The following ACAD10 variants were observed in gnomAD, a reference collection of about 807,000 sequenced individuals.
ACAD10 encodes ACAD-10.
In ACAD10, 112 loss-of-function variants were observed where a neutral mutation model predicts 116.8. That is an observed-to-expected ratio of 0.96 (90% CI 0.82 to 1.12). The LOEUF is 1.12. Among genes scored for constraint, ACAD10 ranks in the 50% most tolerant of loss-of-function variants. ACAD10 has a pLI of 0.00. For missense variants in ACAD10, 1,259 were observed against 1,350.2 expected (o/e 0.93, Z 1.06); for synonymous variants, 486 against 510.6 (o/e 0.95, Z 0.65).
chr12:111,728,684 A>AC, intron 9 of ACAD10, among the ~76,000 whole-genome samples: 1 of 151,746 alleles, frequency 6.6e-6, no homozygotes, highest in African/African-American at 2.4e-5. Context: ...CAACAGGGAT[A>AC]GTTTTTTTGT....
chr12:111,709,148 T>A (rs1208380753), intron 4 of ACAD10, among the ~76,000 whole-genome samples: 1 of 152,176 alleles, frequency 6.6e-6, no homozygotes, highest in African/African-American at 2.4e-5. Context: ...AAATGCTTTG[T>A]CATTTTGGAA....
intron 4 of ACAD10, 73 bp downstream of exon 4, chr12:111,706,005 A>G (rs941174208): frequency 1.9e-5 from 28 of 1,510,810 alleles, no homozygotes; most frequent in African/African-American, 1.4e-4. Flanking sequence ...GTTAAATGCT[A>G]TCTTCCAGCA....
Position 111,728,099 on chromosome 12 carries a change from G to A in ACAD10, c.1199G>A (p.Ser400Asn). Residue 400 changes from serine (S) to asparagine (N), a missense_variant, in exon 9 of 21, where the codon AGT (serine) becomes AAT (asparagine). Transcript: ENST00000313698. ...AACACAGTCCTGTGCAAAATTCACA[G>A]TGTGGATCTGCAGGCTGTGGGACTT... Reference protein sequence around the residue: ...AMNTVLCKIHSVDLQAVGLED... With the variant: ...AMNTVLCKIHNVDLQAVGLED... 1 of 1,613,514 alleles carries A rather than the reference G, an allele frequency of 6.2e-7. No individual in the cohort carries two copies. The highest frequency in any genetic ancestry group is 8.5e-7 in the Non-Finnish European group (1 of 1,179,806).
In ACAD10 at chr12:111,729,916, C is replaced by T. The variant is rs771935027; in HGVS notation, c.1354C>T (p.Pro452Ser). 6.2e-7 allele frequency: 1 copy of T among 1,614,156 alleles called. No individual in the cohort carries two copies. The stretch of plus-strand genomic sequence containing the variant: ...GATCGAATGGCTGCCCCTCCATCTT[C>T]CCCGTCAGCAGAGGACCACAGTGGT... ...RLIEWLPLHL[P>S]RQQRTTVVHG... The change falls in exon 10 of 21, where the codon CCC (proline) becomes TCC (serine). Residue 452 changes from proline (P) to serine (S), a missense_variant. Transcript: ENST00000313698.
intron 2 of ACAD10, among the ~76,000 whole-genome samples, chr12:111,696,185 A>G (rs1888186688): frequency 6.6e-6 from 1 of 151,870 alleles, no homozygotes; most frequent in Non-Finnish European, 1.5e-5. Context: ...CAGGCTCCCA[A>G]GTAGCTGGGA....
At chr12:111,692,675 C>T in intron 1 of ACAD10, 22 bp from the exon 2 acceptor site, 1 of 1,601,098 alleles carries the variant, frequency 6.2e-7, no homozygotes, top group Non-Finnish European at 8.5e-7. Context: ...CAAGTAACGC[C>T]CTGTGCCTTC....
chr12:111,706,533 T>C (rs1888509269), intron 4 of ACAD10, among the ~76,000 whole-genome samples: 1 of 152,094 alleles, frequency 6.6e-6, no homozygotes. Flanking sequence ...CACTGCAACC[T>C]CTGCTTCCCA....
chr12:111,735,083 G>C (rs1889508368), intron 11 of ACAD10, among the ~76,000 whole-genome samples: 2 of 151,766 alleles, frequency 1.3e-5, no homozygotes, highest in Non-Finnish European at 2.9e-5. Flanking sequence ...AATTAGCTGG[G>C]CGTGGTGGTG....
At chr12:111,724,032 G>A (rs538021611) in intron 8 of ACAD10, among the ~76,000 whole-genome samples, 9 of 150,574 alleles carry the variant, frequency 6.0e-5, no homozygotes, top group Admixed American at 4.0e-4. Flanking sequence ...ATGTGATGGC[G>A]GCCGGGAAGA....
intron 2 of ACAD10, among the ~76,000 whole-genome samples, chr12:111,698,187 G>T (rs1314603542): frequency 6.6e-6 from 1 of 151,336 alleles, no homozygotes; most frequent in Non-Finnish European, 1.5e-5. Context: ...TAGTAGAGAT[G>T]GGGTTTCACC....
chr12:111,718,134 C>T (rs559545099), intron 7 of ACAD10, among the ~76,000 whole-genome samples: 13 of 139,690 alleles, frequency 9.3e-5, no homozygotes, highest in African/African-American at 2.9e-4. Flanking sequence ...ATTGCCACCT[C>T]CATCTCCCAG....
intron 4 of ACAD10, among the ~76,000 whole-genome samples, chr12:111,708,032 T>C (rs1280825827): frequency 6.6e-6 from 1 of 152,196 alleles, no homozygotes; most frequent in Non-Finnish European, 1.5e-5. Flanking sequence ...ACAGCCTCTG[T>C]CATGCTTACC....
chr12:111,700,884 G>A (rs935482613), intron 2 of ACAD10, among the ~76,000 whole-genome samples: 7 of 150,638 alleles, frequency 4.6e-5, no homozygotes, highest in African/African-American at 7.3e-5. Flanking sequence ...TCAGTTTCCC[G>A]AGTAGCTAGA....
At chr12:111,721,565 C>G (rs1889013625) in intron 7 of ACAD10, 106 bp from the exon 8 acceptor site, 4 of 1,115,396 alleles carry the variant, frequency 3.6e-6, no homozygotes, top group African/African-American at 1.6e-5. Context: ...GAGACTGTGT[C>G]TCAAAAAACA....
Position 111,705,809 on chromosome 12 carries a change from A to G in ACAD10, c.408A>G (p.Pro136=), listed in dbSNP as rs552625581. 1 of 1,614,212 alleles carries G rather than the reference A, an allele frequency of 6.2e-7. No individual in the cohort carries two copies. The highest frequency in any genetic ancestry group is 2.2e-5 in the East Asian group (1 of 44,878). The part of the protein sequence containing the change: ...LTSERVAKQF[P]VMTEAITQIR... ...GTGAGCGAGTGGCAAAGCAGTTCCCAGTGATGACTGAGGCCATAACTCAAA... is the reference window on the plus strand; with the variant it reads ...GTGAGCGAGTGGCAAAGCAGTTCCCGGTGATGACTGAGGCCATAACTCAAA... Residue 136 remains proline (P), a synonymous_variant, in exon 4 of 21, where the codon CCA becomes CCG. Transcript: ENST00000313698.
chr12:111,735,818 A>ATATT (rs970598792), intron 11 of ACAD10, among the ~76,000 whole-genome samples: 5 of 151,316 alleles, frequency 3.3e-5, no homozygotes, highest in African/African-American at 1.2e-4. Context: ...TTTTATTTTT[A>ATATT]TATTTATTTA....
intron 8 of ACAD10, among the ~76,000 whole-genome samples, chr12:111,726,388 T>C (rs559082308): frequency 6.6e-6 from 1 of 152,246 alleles, no homozygotes; most frequent in East Asian, 1.9e-4. Context: ...CAAAAAATGA[T>C]AAAAATAACC....
At chr12:111,701,231 G>T (rs780365891) in intron 2 of ACAD10, among the ~76,000 whole-genome samples, 1 of 152,052 alleles carries the variant, frequency 6.6e-6, no homozygotes, top group Non-Finnish European at 1.5e-5. Flanking sequence ...GTATATATTT[G>T]CCCCCAGCAT....
chr12:111,721,708 C>A lies in ACAD10; in HGVS notation c.1030C>A (p.Pro344Thr). The A allele has an allele frequency of 6.2e-7, 1 of 1,603,318 alleles. No homozygotes were observed. The highest frequency in any genetic ancestry group is 8.5e-7 in the Non-Finnish European group (1 of 1,171,936). ...CCTTGCAAATGCTGGAGTACCTGTC[C>A]CTAACGTTCTTGATCTCTGTGAAGA... The part of the protein sequence containing the change: ...KALANAGVPV[P>T]NVLDLCEDSS... Residue 344 changes from proline (P) to threonine (T), a missense_variant, in exon 8 of 21, where the codon CCT (proline) becomes ACT (threonine). Transcript: ENST00000313698.
Sources: allele counts gnomAD v4.1 joint callset (sites outside exome capture counted in the v4.1 genomes callset), GRCh38; gene constraint gnomAD v4.1.1; transcripts MANE v1.5; gene names NCBI Gene and HGNC (gene_info 2026-07-23, HGNC 2026-07-21).